Variants in ZNF804A observed in about 807,000 individuals in gnomAD.
ZNF804A encodes the protein zinc finger protein 804A.
A neutral mutation model predicts 16.5 loss-of-function variants in ZNF804A; 2 were observed. The ratio of observed to expected loss-of-function variants is 0.12; its 90% CI spans 0.05 to 0.38. ZNF804A has a LOEUF of 0.38. ZNF804A is among the 10% of genes least tolerant of loss of function. The pLI, the probability that ZNF804A is intolerant of heterozygous loss-of-function variation, is 0.99. For synonymous variants in ZNF804A, 534 were observed against 489.6 expected (o/e 1.09, Z -1.20); for missense variants, 1,473 against 1,390.7 (o/e 1.06, Z -0.94).
At chr2:184,649,969 C>G (rs939993910) in intron 1 of ZNF804A, among the ~76,000 whole-genome samples, 2 of 151,932 alleles carry the variant, frequency 1.3e-5, no homozygotes, top group African/African-American at 4.8e-5. Context: ...ATAAATCCAG[C>G]ACCACCCTTA....
intron 1 of ZNF804A, among the ~76,000 whole-genome samples, chr2:184,610,986 T>C (rs944869094): frequency 3.3e-5 from 5 of 152,168 alleles, no homozygotes; most frequent in South Asian, 2.1e-4. Flanking sequence ...GTTTGAGCTG[T>C]TATAACAAAA....
intron 2 of ZNF804A, among the ~76,000 whole-genome samples, chr2:184,908,256 C>T (rs1040724925): frequency 6.6e-6 from 1 of 152,048 alleles, no homozygotes; most frequent in African/African-American, 2.4e-5. Context: ...ATCATGGCCT[C>T]TTTCTCCATT....
At chr2:184,717,098 CATAA>C (rs1387526967) in intron 1 of ZNF804A, among the ~76,000 whole-genome samples, 1 of 151,976 alleles carries the variant, frequency 6.6e-6, no homozygotes. Flanking sequence ...ACGAATTAGA[CATAA>C]ATAAATAATT....
At chr2:184,929,451 T>C (rs1685660592) in intron 2 of ZNF804A, among the ~76,000 whole-genome samples, 2 of 152,114 alleles carry the variant, frequency 1.3e-5, no homozygotes, top group South Asian at 4.1e-4. Context: ...TCATTGATTA[T>C]TACATGTATT....
At chr2:184,682,696 T>C (rs1692562298) in intron 1 of ZNF804A, among the ~76,000 whole-genome samples, 1 of 152,214 alleles carries the variant, frequency 6.6e-6, no homozygotes. Flanking sequence ...TTTGTGGCGT[T>C]TACTCTTATT....
chr2:184,669,600 G>A (rs1438032856), intron 1 of ZNF804A, among the ~76,000 whole-genome samples: 1 of 152,048 alleles, frequency 6.6e-6, no homozygotes, highest in East Asian at 1.9e-4. Flanking sequence ...TGGCTGATGA[G>A]TAGTTGTGAA....
intron 2 of ZNF804A, among the ~76,000 whole-genome samples, chr2:184,867,718 G>C (rs959327022): frequency 2.6e-5 from 4 of 152,022 alleles, no homozygotes; most frequent in Admixed American, 1.3e-4. Flanking sequence ...ATCATTGCTT[G>C]ATTTGAACAT....
chr2:184,922,859 G>A (rs1594166), intron 2 of ZNF804A, among the ~76,000 whole-genome samples: 1 of 151,940 alleles, frequency 6.6e-6, no homozygotes, highest in African/African-American at 2.4e-5. Flanking sequence ...TTTGTTGAAA[G>A]TGAGTTCACT....
chr2:184,747,149 A>T (rs1300036952), intron 1 of ZNF804A, among the ~76,000 whole-genome samples: 1 of 151,146 alleles, frequency 6.6e-6, no homozygotes, highest in Non-Finnish European at 1.5e-5. Context: ...CTTTTCAAGA[A>T]GTAGAGAAGT....
intron 1 of ZNF804A, among the ~76,000 whole-genome samples, chr2:184,818,452 A>T (rs1313592594): frequency 6.6e-6 from 1 of 151,000 alleles, no homozygotes; most frequent in Non-Finnish European, 1.5e-5. Context: ...CACTAAAAAA[A>T]ATACTGTAAT....
At chr2:184,806,427 TA>T (rs1384728133) in intron 1 of ZNF804A, among the ~76,000 whole-genome samples, 1 of 151,852 alleles carries the variant, frequency 6.6e-6, no homozygotes, top group Non-Finnish European at 1.5e-5. Context: ...CATCAACATT[TA>T]AAAAACTGAT....
At chr2:184,885,511 A>G (rs887927232) in intron 2 of ZNF804A, among the ~76,000 whole-genome samples, 2 of 152,256 alleles carry the variant, frequency 1.3e-5, no homozygotes, top group African/African-American at 4.8e-5. Context: ...ACAACCACAT[A>G]GAAGGATGAG....
rs115111558 is a variant in ZNF804A at position 184,918,996 on chromosome 2, A to G, written c.256-14607A>G. Among the ~76,000 whole-genome samples the G allele has an allele frequency of 9.2e-3, 1,395 of 152,312 alleles. 32 individuals carry two copies. The highest frequency in any genetic ancestry group is 0.032 in the African/African-American group (1,319 of 41,574). The stretch of plus-strand genomic sequence containing the variant: ...CAAAAGGCCATTCTACCATTCTATC[A>G]AACCAGTTTCTTCAGGGTGGTAGAA... On this transcript the variant is annotated intron_variant, in intron 2 of 3. Coordinates refer to ENST00000302277, the MANE Select transcript of ZNF804A (RefSeq NM_194250.2).
intron 1 of ZNF804A, among the ~76,000 whole-genome samples, chr2:184,822,415 C>A (rs1218291030): frequency 6.6e-6 from 1 of 151,872 alleles, no homozygotes; most frequent in African/African-American, 2.4e-5. Context: ...GGCAGAGCAT[C>A]AGGAAGAATA....
chr2:184,625,957 C>G (rs1406963437), intron 1 of ZNF804A, among the ~76,000 whole-genome samples: 2 of 152,184 alleles, frequency 1.3e-5, no homozygotes, highest in African/African-American at 4.8e-5. Flanking sequence ...CAAGCTCTGC[C>G]TCCCGGGTTC....
intron 2 of ZNF804A, among the ~76,000 whole-genome samples, chr2:184,866,863 T>C (rs1338873003): frequency 6.6e-6 from 1 of 150,572 alleles, no homozygotes; most frequent in Admixed American, 6.6e-5. Flanking sequence ...TTATGCATTA[T>C]ATTATATATT....
intron 2 of ZNF804A, among the ~76,000 whole-genome samples, chr2:184,914,607 C>A (rs1685416648): frequency 6.6e-6 from 1 of 151,994 alleles, no homozygotes; most frequent in African/African-American, 2.4e-5. Context: ...TAAAGTTACA[C>A]CAGATTTAAA....
rs1266715056 is a variant in ZNF804A, at chr2:184,866,475, A to G, written c.218A>G (p.Asp73Gly). ...DKQYYKHQEF[D>G]NHINSYDHAH... Reference sequence around the variant, plus strand: ...CAGTACTATAAGCACCAGGAGTTTGACAATCACATTAATTCATATGACCAT... The same window carrying G: ...CAGTACTATAAGCACCAGGAGTTTGGCAATCACATTAATTCATATGACCAT... Residue 73 changes from aspartate (D) to glycine (G), a missense_variant, in exon 2 of 4, where the codon GAC becomes GGC. Transcript: ENST00000302277. 1.9e-6 allele frequency: 3 copies of G among 1,612,022 alleles called. No homozygotes were observed.
At position 184,938,058 on chromosome 2, in the gene ZNF804A, C is replaced by T; in HGVS notation, c.2662C>T (p.Pro888Ser). The T allele has an allele frequency of 6.2e-7, 1 of 1,614,044 alleles. No individual in the cohort carries two copies. The highest frequency in any genetic ancestry group is 1.7e-5 in the Admixed American group (1 of 59,992). ...GTCTTTCCACCCTAACAATCTCCTT[C>T]CTTCTGAAACCAATGGTGAAACTGA... ...KLSFHPNNLL[P>S]SETNGETEHL... Residue 888 changes from proline to serine, a missense_variant, in exon 4 of 4, where the codon CCT becomes TCT. Transcript: ENST00000302277.
Sources: allele counts gnomAD v4.1 joint callset (sites outside exome capture counted in the v4.1 genomes callset), GRCh38; gene constraint gnomAD v4.1.1; transcripts MANE v1.5; gene names NCBI Gene and HGNC (gene_info 2026-07-23, HGNC 2026-07-21).